PCDHGB3: variants seen among roughly 807,000 people sequenced by gnomAD.
PCDHGB3 encodes the protein protocadherin gamma-B3.
PCDHGB3 carries 40 observed loss-of-function variants against 59.2 expected under a neutral mutation model. The observed-to-expected ratio is 0.68, with a 90% CI of 0.52 to 0.88. The LOEUF (loss-of-function observed/expected upper bound fraction) is 0.88, where lower values mean the gene tolerates loss of function less well. PCDHGB3 is among the 40% of genes least tolerant of loss of function. The pLI is 0.00. For synonymous variants in PCDHGB3, 581 were observed against 503.6 expected (o/e 1.15, Z -2.06); for missense variants, 1,309 against 1,187.9 (o/e 1.10, Z -1.50).
intron 1 of PCDHGB3, chr5:141,392,681 G>T: frequency 1.9e-6 from 2 of 1,026,496 alleles, no homozygotes; most frequent in Non-Finnish European, 2.7e-6. Flanking sequence ...CTGGACTGCA[G>T]CGAAACCCGA....
chr5:141,433,365 A>ATCTG, intron 1 of PCDHGB3: 1 of 523,830 alleles, frequency 1.9e-6, no homozygotes, highest in East Asian at 3.1e-5. Context: ...CTGCCTATCT[A>ATCTG]TCTATCTATC....
chr5:141,492,908 A>G (rs1595151443), intron 1 of PCDHGB3, among the ~76,000 whole-genome samples: 2 of 152,302 alleles, frequency 1.3e-5, no homozygotes, highest in African/African-American at 4.8e-5. Context: ...TCGTGATCAC[A>G]ATGTGCCCAG....
At chr5:141,451,049 C>T (rs538627151) in intron 1 of PCDHGB3, among the ~76,000 whole-genome samples, 1 of 151,422 alleles carries the variant, frequency 6.6e-6, no homozygotes, top group African/African-American at 2.4e-5. Context: ...AGGCTGGTCT[C>T]GAACTCCTGA....
Position 141,409,860 on chromosome 5 carries a change from G to A in PCDHGB3, c.2415+37051G>A, listed in dbSNP as rs764823576. On this transcript the variant is annotated intron_variant, in intron 1 of 3. Transcript: ENST00000576222. ...AACGTGAGCCTGCGCGTGTTGGTGG[G>A]AGACCGCAATGACAACGCACCGCGG... is the stretch of plus-strand genomic sequence containing the variant. The A allele has an allele frequency of 1.2e-5, 20 of 1,612,364 alleles. No homozygotes were observed. In the South Asian group the frequency reaches 1.8e-4, roughly 14 times the overall value.
At chr5:141,374,100 G>C (rs767728339) in intron 1 of PCDHGB3, 7 of 1,564,992 alleles carry the variant, frequency 4.5e-6, no homozygotes, top group Non-Finnish European at 6.1e-6. Flanking sequence ...CCTCCGCAGA[G>C]GCATCCGCAG....
chr5:141,504,077 G>A (rs939470644), intron 2 of PCDHGB3, among the ~76,000 whole-genome samples: 3 of 152,124 alleles, frequency 2.0e-5, no homozygotes, highest in Non-Finnish European at 2.9e-5. Context: ...GCCAGATGGT[G>A]CCAAACAGTT....
intron 1 of PCDHGB3, among the ~76,000 whole-genome samples, chr5:141,474,990 A>G (rs1245269630): frequency 6.6e-6 from 1 of 152,222 alleles, no homozygotes; most frequent in African/African-American, 2.4e-5. Context: ...GGTGACAACA[A>G]TTCTAAATGC....
intron 1 of PCDHGB3, chr5:141,409,471 A>T: frequency 6.2e-7 from 1 of 1,613,978 alleles, no homozygotes; most frequent in Non-Finnish European, 8.5e-7. Context: ...TCACCATCGT[A>T]GCCACTGACA....
chr5:141,449,622 T>A (rs889336036), intron 1 of PCDHGB3, among the ~76,000 whole-genome samples: 1 of 150,910 alleles, frequency 6.6e-6, no homozygotes, highest in African/African-American at 2.4e-5. Context: ...AAAAGTTTTT[T>A]AAAAAGATGT....
At chr5:141,498,973 GA>G (rs1161965842) in intron 2 of PCDHGB3, among the ~76,000 whole-genome samples, 8 of 11,660 alleles carry the variant, frequency 6.9e-4, no homozygotes, top group Admixed American at 4.8e-3. Flanking sequence ...GGGAGGGAGG[GA>G]AGGAAGGAAG....
At chr5:141,433,181 G>T (rs199507607) in intron 1 of PCDHGB3, 45 of 1,607,620 alleles carry the variant, frequency 2.8e-5, no homozygotes, top group Non-Finnish European at 3.4e-5. Context: ...TGGGTTAATT[G>T]AGGTGAGTTT....
chr5:141,380,531 A>G (rs1197165586), intron 1 of PCDHGB3, among the ~76,000 whole-genome samples: 4 of 152,346 alleles, frequency 2.6e-5, no homozygotes, highest in African/African-American at 9.6e-5. Flanking sequence ...AATGATTTCA[A>G]TTTGATACAA....
chr5:141,505,320 C>G, intron 2 of PCDHGB3, 73 bp from the exon 3 acceptor site: 2 of 1,605,358 alleles, frequency 1.2e-6, no homozygotes, highest in Non-Finnish European at 1.7e-6. Context: ...TTTGGGAGCC[C>G]TGGGAGAGGA....
chr5:141,402,710 C>T (rs2094297033), intron 1 of PCDHGB3, among the ~76,000 whole-genome samples: 1 of 152,092 alleles, frequency 6.6e-6, no homozygotes, highest in African/African-American at 2.4e-5. Context: ...GGTGTAGTAA[C>T]GGCTTAGGAC....
At chr5:141,377,892 CT>C (rs946360367) in intron 1 of PCDHGB3, 2 of 152,170 alleles carry the variant, frequency 1.3e-5, no homozygotes, top group Non-Finnish European at 2.9e-5. Context: ...TAGGATCCCC[CT>C]CTGTTGCCCA....
chr5:141,413,180 C>CCGCTCAAAGGAAT (rs760676891), intron 1 of PCDHGB3: 75 of 1,602,494 alleles, frequency 4.7e-5, no homozygotes, highest in Non-Finnish European at 6.1e-5. Flanking sequence ...ACTACAATGG[C>CCGCTCAAAGGAAT]CGCTCAAAGG....
chr5:141,375,469 T>C (rs762486539), intron 1 of PCDHGB3: 1 of 1,613,946 alleles, frequency 6.2e-7, no homozygotes, highest in South Asian at 1.1e-5. Flanking sequence ...TCTATGTCCT[T>C]GAAAACAACC....
At chr5:141,449,101 G>T (rs1020443363) in intron 1 of PCDHGB3, among the ~76,000 whole-genome samples, 3 of 152,144 alleles carry the variant, frequency 2.0e-5, no homozygotes, top group Non-Finnish European at 4.4e-5. Flanking sequence ...TACATATGCA[G>T]TATATCTTTG....
intron 1 of PCDHGB3, among the ~76,000 whole-genome samples, chr5:141,459,721 T>C (rs2098973915): frequency 6.6e-6 from 1 of 152,246 alleles, no homozygotes. Context: ...CAATGCTTCC[T>C]ATTGTCAATT....
Sources: allele counts gnomAD v4.1 joint callset (sites outside exome capture counted in the v4.1 genomes callset), GRCh38; gene constraint gnomAD v4.1.1; transcripts MANE v1.5; gene names NCBI Gene and HGNC (gene_info 2026-07-23, HGNC 2026-07-21).